The following ELAVL1 variants were observed in gnomAD, a reference collection of about 807,000 sequenced individuals.
The protein encoded by ELAVL1 is ELAV like RNA binding protein 1.
Under a neutral mutation model 28.4 loss-of-function variants are expected in ELAVL1, and 1 was observed. The ratio of observed to expected loss-of-function variants is 0.04; its 90% CI spans 0.01 to 0.17. The LOEUF is 0.17. Among genes scored for constraint, ELAVL1 ranks in the 10% least tolerant of loss-of-function variants. The pLI is 1.00. For missense variants in ELAVL1, 157 were observed against 447.2 expected (o/e 0.35, Z 5.85); for synonymous variants, 174 against 183.5 (o/e 0.95, Z 0.42).
intron 4 of ELAVL1, among the ~76,000 whole-genome samples, chr19:7,970,466 C>A (rs931150527): frequency 1.3e-5 from 2 of 150,502 alleles, no homozygotes; most frequent in African/African-American, 4.9e-5. Flanking sequence ...ATTTTTAGTA[C>A]AGATGGGGTT....
chr19:8,004,401 C>T (rs902918992), intron 1 of ELAVL1, among the ~76,000 whole-genome samples: 1 of 152,176 alleles, frequency 6.6e-6, no homozygotes, highest in Admixed American at 6.6e-5. Context: ...TGGTTCTCAC[C>T]TGTGCGTGTG....
chr19:7,987,499 C>T (rs146042118), intron 2 of ELAVL1, among the ~76,000 whole-genome samples: 2 of 152,308 alleles, frequency 1.3e-5, no homozygotes, highest in African/African-American at 4.8e-5. Flanking sequence ...GCCATATCCC[C>T]AACATAGGGA....
At chr19:8,003,116 G>A (rs942123564) in intron 1 of ELAVL1, among the ~76,000 whole-genome samples, 1 of 151,894 alleles carries the variant, frequency 6.6e-6, no homozygotes, top group Non-Finnish European at 1.5e-5. Flanking sequence ...GGCTGGGCGC[G>A]GTGGCTCACA....
intron 1 of ELAVL1, among the ~76,000 whole-genome samples, chr19:7,996,893 A>G (rs1348029022): frequency 2.0e-5 from 3 of 152,204 alleles, no homozygotes; most frequent in Non-Finnish European, 4.4e-5. Flanking sequence ...ATACCAAAGA[A>G]TATATATGGA....
chr19:7,969,469 T>C (rs1985044317), intron 4 of ELAVL1, among the ~76,000 whole-genome samples: 1 of 152,054 alleles, frequency 6.6e-6, no homozygotes, highest in Admixed American at 6.6e-5. Flanking sequence ...ACAGCAGCTT[T>C]AGTAAGGTCA....
chr19:7,996,969 G>A (rs115510924), intron 1 of ELAVL1, among the ~76,000 whole-genome samples: 23,708 of 152,082 alleles, frequency 0.16, 2,203 homozygotes, highest in Non-Finnish European at 0.21. Flanking sequence ...TCGAGACACC[G>A]CTACCCACTT....
chr19:7,984,455 C>G (rs1415278645), intron 2 of ELAVL1, among the ~76,000 whole-genome samples: 1 of 152,216 alleles, frequency 6.6e-6, no homozygotes. Flanking sequence ...CCAGTGTATT[C>G]CCAGAAAGTA....
At chr19:7,974,030 G>T in intron 3 of ELAVL1, 152 bp from the exon 4 acceptor site, 1 of 1,044,688 alleles carries the variant, frequency 9.6e-7, no homozygotes, top group Non-Finnish European at 1.4e-6. Context: ...GCCTGCAGCC[G>T]CATGGTGGCA....
chr19:7,974,927 G>A (rs908930696), intron 3 of ELAVL1, among the ~76,000 whole-genome samples: 11 of 152,340 alleles, frequency 7.2e-5, no homozygotes, highest in Non-Finnish European at 1.5e-4. Flanking sequence ...CCTGCTCATA[G>A]GGCAGTGGGC....
At chr19:7,969,288 A>G (rs1985037970) in intron 4 of ELAVL1, among the ~76,000 whole-genome samples, 1 of 152,222 alleles carries the variant, frequency 6.6e-6, no homozygotes, top group Non-Finnish European at 1.5e-5. Flanking sequence ...GGTAACAAAC[A>G]ACGACCAAAG....
chr19:8,005,218 G>A (rs974451724), intron 1 of ELAVL1, among the ~76,000 whole-genome samples: 1 of 151,904 alleles, frequency 6.6e-6, no homozygotes, highest in Non-Finnish European at 1.5e-5. Context: ...GCCCCCGGCC[G>A]TGCAGCCCGG....
At position 7,991,848 on chromosome 19, in the gene ELAVL1, A is replaced by G. The variant is rs375698082; in HGVS notation, c.-16-17T>C. On this transcript the variant is annotated splice_polypyrimidine_tract_variant and intron_variant, in intron 1 of 5. Transcript: ENST00000407627. Reference sequence around the variant, plus strand: ...TTCAAAAATCTGCCAAGAGAAAAAGAGCAAGTAAATTCAAAATGTTCATAT... The same window carrying G: ...TTCAAAAATCTGCCAAGAGAAAAAGGGCAAGTAAATTCAAAATGTTCATAT... The G allele has an allele frequency of 3.2e-6, 5 of 1,574,350 alleles. No individual in the cohort carries two copies. The highest frequency in any genetic ancestry group is 3.5e-6 in the Non-Finnish European group (4 of 1,155,724).
At chr19:7,970,011 C>G (rs896214506) in intron 4 of ELAVL1, among the ~76,000 whole-genome samples, 2 of 151,786 alleles carry the variant, frequency 1.3e-5, no homozygotes, top group Non-Finnish European at 2.9e-5. Context: ...CTCGCTCTGT[C>G]GCCCAGGCTG....
At position 7,981,795 on chromosome 19, in the gene ELAVL1, G is replaced by GT. The variant is rs1194850682; in HGVS notation, c.173-610dup. ...CAGTCCCGTGGGTGCCGGCCGCTCT[G>GT]TGGGGCCTGGGTGGTGAGGATGAGG... On this transcript the variant is annotated intron_variant, in intron 2 of 5. Transcript: ENST00000407627. This position sits in a 1 kb window ranked among gnomAD's most constrained non-coding sequence, Gnocchi z 4.2. Among the ~76,000 whole-genome samples the GT allele has an allele frequency of 6.6e-6, 1 of 152,240 alleles. No homozygotes were observed. The highest frequency in any genetic ancestry group is 2.4e-5 in the African/African-American group (1 of 41,460).
intron 1 of ELAVL1, among the ~76,000 whole-genome samples, chr19:7,995,426 AGTGTGGTATCCT>A (rs1255319544): frequency 6.6e-6 from 1 of 152,172 alleles, no homozygotes; most frequent in East Asian, 1.9e-4. Context: ...TACTGTCCAC[AGTGTGGTATCCT>A]CTAGGTCTGG....
intron 2 of ELAVL1, among the ~76,000 whole-genome samples, chr19:7,984,466 G>C (rs1364663197): frequency 6.6e-6 from 1 of 152,254 alleles, no homozygotes; most frequent in Non-Finnish European, 1.5e-5. Flanking sequence ...CCAGAAAGTA[G>C]AGGTGGCCCG....
At chr19:7,967,962 A>G (rs1403066001) in intron 4 of ELAVL1, among the ~76,000 whole-genome samples, 172 bp from the exon 5 acceptor site, 1 of 152,228 alleles carries the variant, frequency 6.6e-6, no homozygotes, top group Non-Finnish European at 1.5e-5. Flanking sequence ...AAGAAAACCA[A>G]TGACTAACAG....
chr19:7,981,272 C>T lies in ELAVL1; in HGVS notation c.173-86G>A. ...GTCGGGAAGCACTATATCTGCCTGGCCTTTGGGAAATGGGATTACAGGTGC... is the reference window on the plus strand; with the variant it reads ...GTCGGGAAGCACTATATCTGCCTGGTCTTTGGGAAATGGGATTACAGGTGC... On this transcript the variant is annotated intron_variant, in intron 2 of 5. Transcript: ENST00000407627. The surrounding 1 kb of genome is among the most constrained non-coding windows in gnomAD (Gnocchi z 4.2). 1 of 1,332,034 alleles carries T rather than the reference C, an allele frequency of 7.5e-7. No individual in the cohort carries two copies. Among genetic ancestry groups the T allele is most frequent in the Non-Finnish European group, 1.1e-6 (1 of 927,114 alleles). 82.5% of individuals were successfully genotyped at this position (1,332,034 alleles called of 1,614,324 possible). A position where few individuals can be genotyped will look rare whatever the true frequency, so the allele number is the denominator to read the frequency against.
rs1262899358 is a variant in ELAVL1 at position 7,959,505 on chromosome 19, G to A, written c.*3978C>T. ...AAAATCCAGTCCTGTCAAAGTCTCCGTTAGCCTAACTTAGGTACTGGCGGT... is the reference window on the plus strand; with the variant it reads ...AAAATCCAGTCCTGTCAAAGTCTCCATTAGCCTAACTTAGGTACTGGCGGT... On this transcript the variant is annotated 3_prime_UTR_variant, in exon 6 of 6. Transcript: ENST00000407627. 2.0e-5 allele frequency: 3 copies of A among 152,128 alleles called. No individual in the cohort carries two copies. Among genetic ancestry groups the A allele is most frequent in the South Asian group, 2.1e-4 (1 of 4,828 alleles). The allele number at this position is 152,128 out of a possible 1,614,324, so 9.4% of individuals were successfully genotyped here. A position where few individuals can be genotyped will look rare whatever the true frequency, so the allele number is the denominator to read the frequency against.
Sources: gnomAD v4.1 joint callset for allele counts (sites outside exome capture counted in the v4.1 genomes callset) on GRCh38, gnomAD v4.1.1 for gene constraint, Gnocchi (gnomAD v3.1) non-coding constraint, MANE v1.5 for transcripts, NCBI Gene and HGNC (gene_info 2026-07-23, HGNC 2026-07-21) for gene names.